Variants in RTN3 observed in about 807,000 individuals in gnomAD.
The protein encoded by RTN3 is reticulon-3.
Under a neutral mutation model 77.8 loss-of-function variants are expected in RTN3, and 49 were observed. That is an observed-to-expected ratio of 0.63 (90% CI 0.50 to 0.80). The LOEUF is 0.80. Ranked by LOEUF, RTN3 falls within the 30% of genes least tolerant of loss-of-function variation. RTN3 has a pLI of 0.00. For missense variants in RTN3, 1,236 were observed against 1,211.9 expected, an observed-to-expected ratio of 1.02 and a Z score of -0.29; for synonymous variants, 464 against 446.9, an observed-to-expected ratio of 1.04 and a Z score of -0.48.
intron 1 of RTN3, among the ~76,000 whole-genome samples, chr11:63,689,538 G>A (rs915524709): frequency 3.3e-5 from 5 of 152,138 alleles, no homozygotes; most frequent in African/African-American, 7.2e-5. Flanking sequence ...ATACTGTAAC[G>A]GGGTTTGCAT....
intron 2 of RTN3, among the ~76,000 whole-genome samples, chr11:63,717,115 A>G (rs933176595): frequency 5.9e-5 from 9 of 152,056 alleles, no homozygotes; most frequent in South Asian, 2.1e-4. Flanking sequence ...GTGAGCCACA[A>G]TTGTACCACT....
intron 2 of RTN3, among the ~76,000 whole-genome samples, chr11:63,712,483 A>ATTTTT (rs34923509): frequency 4.4e-5 from 4 of 90,390 alleles, no homozygotes; most frequent in African/African-American, 8.2e-5. Context: ...AAGGACTTTG[A>ATTTTT]TTTTTTTTTT....
chr11:63,724,585 G>T (rs1028766800), intron 3 of RTN3, among the ~76,000 whole-genome samples: 1 of 143,706 alleles, frequency 7.0e-6, no homozygotes, highest in African/African-American at 2.6e-5. Context: ...TCCACCTCCC[G>T]GGTTCAAGCG....
At position 63,750,175 on chromosome 11, in the gene RTN3, G is replaced by T; in HGVS notation, c.2715G>T (p.Lys905Asn). The change falls in exon 4 of 9, where the codon AAG becomes AAT. Residue 905 changes from lysine to asparagine, a missense_variant. By Grantham distance (94) the Lys-to-Asn change is moderately conservative (BLOSUM62 0). Around this residue, in one of 3 missense-constraint regions of RTN3, gnomAD observed 141 missense variants for 154.9 expected, o/e 0.91. Coordinates refer to ENST00000377819, the MANE Select transcript of RTN3 (RefSeq NM_001265589.2). The stretch of plus-strand genomic sequence containing the variant: ...AGTCCGTCATCCAAGCTGTACAGAA[G>T]TCAGAAGAAGGCCATCCATTCAAGT... Reference protein sequence around the residue: ...IYKSVIQAVQKSEEGHPFKAY... With the variant: ...IYKSVIQAVQNSEEGHPFKAY... 6.2e-7 allele frequency: 1 copy of T among 1,612,248 alleles called. No homozygotes were observed. The highest frequency in any genetic ancestry group is 8.5e-7 in the Non-Finnish European group (1 of 1,179,074).
chr11:63,682,898 GGAA>G (rs1941139172), intron 1 of RTN3, among the ~76,000 whole-genome samples: 1 of 151,894 alleles, frequency 6.6e-6, no homozygotes, highest in Non-Finnish European at 1.5e-5. Flanking sequence ...GTCTTTGAAG[GGAA>G]AAAAAATGCC....
chr11:63,734,352 C>T (rs1039589929), intron 3 of RTN3, among the ~76,000 whole-genome samples: 1 of 151,990 alleles, frequency 6.6e-6, no homozygotes, highest in African/African-American at 2.4e-5. Context: ...GAGGCTGAGG[C>T]AGGAGAATCC....
intron 1 of RTN3, among the ~76,000 whole-genome samples, chr11:63,701,129 T>C (rs867562554): frequency 2.0e-5 from 3 of 151,906 alleles, no homozygotes; most frequent in African/African-American, 4.8e-5. Context: ...AGTGCTCATA[T>C]ATAATTTGTT....
intron 2 of RTN3, among the ~76,000 whole-genome samples, 161 bp downstream of exon 2, chr11:63,705,068 C>T (rs957420498): frequency 3.3e-5 from 5 of 152,126 alleles, no homozygotes; most frequent in Non-Finnish European, 5.9e-5. Context: ...CAGTGGGTTT[C>T]GTGTAATGGT....
intron 6 of RTN3, among the ~76,000 whole-genome samples, 180 bp from the exon 7 acceptor site, chr11:63,753,482 T>G (rs1330211012): frequency 6.6e-6 from 1 of 152,230 alleles, no homozygotes; most frequent in Non-Finnish European, 1.5e-5. Context: ...TTTTTTTGTT[T>G]TGTTTTAACA....
At chr11:63,691,729 T>A (rs927402789) in intron 1 of RTN3, among the ~76,000 whole-genome samples, 5 of 152,208 alleles carry the variant, frequency 3.3e-5, no homozygotes, top group Non-Finnish European at 7.3e-5. Context: ...CAAAAAGATA[T>A]CCAAAGTCTG....
At chr11:63,697,016 C>T (rs1941991122) in intron 1 of RTN3, among the ~76,000 whole-genome samples, 1 of 148,656 alleles carries the variant, frequency 6.7e-6, no homozygotes, top group Non-Finnish European at 1.5e-5. Flanking sequence ...TCCTGAGTAG[C>T]TGGGACTACA....
intron 1 of RTN3, among the ~76,000 whole-genome samples, chr11:63,696,515 T>C (rs1422265154): frequency 6.6e-6 from 1 of 151,086 alleles, no homozygotes; most frequent in South Asian, 2.1e-4. Flanking sequence ...CAAGACCAGC[T>C]TGGATAACAT....
At chr11:63,757,590 T>C (rs1415430001) in intron 8 of RTN3, among the ~76,000 whole-genome samples, 1 of 152,168 alleles carries the variant, frequency 6.6e-6, no homozygotes, top group Non-Finnish European at 1.5e-5. Context: ...AACTTCTGGC[T>C]TCAAGTGATC....
chr11:63,726,209 C>A (rs1473422988), intron 3 of RTN3, among the ~76,000 whole-genome samples: 2 of 152,154 alleles, frequency 1.3e-5, no homozygotes, highest in Non-Finnish European at 2.9e-5. Flanking sequence ...AAAACAAAGA[C>A]CCGAAGGCAC....
chr11:63,725,121 C>T (rs1231602275), intron 3 of RTN3, among the ~76,000 whole-genome samples: 2 of 152,254 alleles, frequency 1.3e-5, no homozygotes, highest in South Asian at 2.1e-4. Flanking sequence ...CACCTGGCCA[C>T]GCCCTCCATC....
chr11:63,705,426 G>C (rs1162361064), intron 2 of RTN3, among the ~76,000 whole-genome samples: 1 of 152,204 alleles, frequency 6.6e-6, no homozygotes, highest in South Asian at 2.1e-4. Flanking sequence ...GTTGCAGTGA[G>C]CGATGATCGT....
intron 3 of RTN3, among the ~76,000 whole-genome samples, chr11:63,725,889 GTT>G (rs1329144905): frequency 2.0e-5 from 3 of 152,122 alleles, no homozygotes; most frequent in African/African-American, 7.2e-5. Context: ...AGTGTCTTCT[GTT>G]ATGTAAAAAT....
At chr11:63,747,166 A>G (rs1039328447) in intron 3 of RTN3, 1 of 379,864 alleles carries the variant, frequency 2.6e-6, no homozygotes, top group Admixed American at 3.0e-5. Context: ...CGGGAATACC[A>G]TAGAAGTGAT....
At chr11:63,755,956 C>CA (rs112296263) in intron 7 of RTN3, among the ~76,000 whole-genome samples, 156 bp from the exon 8 acceptor site, 3,097 of 114,946 alleles carry the variant, frequency 0.027, 79 homozygotes, top group African/African-American at 0.078. Context: ...GGCTCCGTCT[C>CA]AAAAAAAAAA....
Sources: gnomAD v4.1 joint callset for allele counts (sites outside exome capture counted in the v4.1 genomes callset) on GRCh38, gnomAD v4.1.1 for gene constraint, gnomAD v4.1.1 regional missense constraint, MANE v1.5 for transcripts, NCBI Gene and HGNC (gene_info 2026-07-23, HGNC 2026-07-21) for gene names.